The following BRWD3 variants were observed in gnomAD, a reference collection of about 807,000 sequenced individuals.
BRWD3 encodes bromodomain and WD repeat-containing protein 3.
BRWD3 carries 10 observed loss-of-function variants against 149.7 expected under a neutral mutation model. That is an observed-to-expected ratio of 0.07 (90% CI 0.04 to 0.11). BRWD3 has a LOEUF of 0.11. Among genes scored for constraint, BRWD3 ranks in the 10% least tolerant of loss-of-function variants. BRWD3 has a pLI of 1.00. For synonymous variants in BRWD3, 504 were observed against 456.7 expected, an observed-to-expected ratio of 1.10 and a Z score of -1.32; for missense variants, 940 against 1,373.2, an observed-to-expected ratio of 0.68 and a Z score of 4.99.
intron 6 of BRWD3, among the ~76,000 whole-genome samples, chrX:80,767,231 C>T (rs972117142): frequency 7.1e-5 from 8 of 112,204 alleles, no homozygotes; most frequent in Admixed American, 4.7e-4. Flanking sequence ...CACAAAGAAC[C>T]GACAAACTGC....
chrX:80,695,712 G>T (rs1048176549), intron 27 of BRWD3, among the ~76,000 whole-genome samples, 196 bp downstream of exon 27: 1 of 111,755 alleles, frequency 8.9e-6, no homozygotes, highest in African/African-American at 3.3e-5. Flanking sequence ...GGTATTTGCA[G>T]AAGGTTTAGA....
intron 6 of BRWD3, among the ~76,000 whole-genome samples, chrX:80,782,115 G>T (rs1407823103): frequency 1.8e-5 from 2 of 111,336 alleles, no homozygotes; most frequent in Non-Finnish European, 3.8e-5. Flanking sequence ...ACACTACAGG[G>T]CTATTGTATC....
intron 22 of BRWD3, among the ~76,000 whole-genome samples, chrX:80,705,657 T>C (rs2072853007): frequency 8.9e-6 from 1 of 112,068 alleles, no homozygotes; most frequent in Non-Finnish European, 1.9e-5. Context: ...TAGAACCTAA[T>C]GCTCCAAGGC....
At chrX:80,805,795 C>T (rs890175564) in intron 4 of BRWD3, among the ~76,000 whole-genome samples, 5 of 110,768 alleles carry the variant, frequency 4.5e-5, no homozygotes, top group African/African-American at 6.6e-5. Context: ...ATTAGCTGGG[C>T]GTGGTGGCGC....
chrX:80,761,463 T>C (rs2073801767), intron 6 of BRWD3, among the ~76,000 whole-genome samples: 1 of 112,127 alleles, frequency 8.9e-6, no homozygotes, highest in Admixed American at 9.5e-5. Flanking sequence ...AAGTCAAAAA[T>C]TGTTAAATAC....
chrX:80,779,962 T>C (rs1311231945), intron 6 of BRWD3, among the ~76,000 whole-genome samples: 1 of 112,068 alleles, frequency 8.9e-6, no homozygotes, highest in African/African-American at 3.2e-5. Flanking sequence ...GCTAGGGTAA[T>C]ATTAAGTGAA....
intron 4 of BRWD3, among the ~76,000 whole-genome samples, chrX:80,802,439 T>TC (rs2074308223): frequency 1.8e-5 from 1 of 57,041 alleles, no homozygotes; most frequent in Non-Finnish European, 2.9e-5. Flanking sequence ...AAGACTCTCA[T>TC]CTTAAAAAAA....
chrX:80,744,286 G>A, intron 7 of BRWD3, 33 bp from the exon 8 acceptor site: 2 of 1,018,471 alleles, frequency 2.0e-6, no homozygotes, highest in Non-Finnish European at 2.6e-6. Flanking sequence ...GGTTTATAAT[G>A]AAGCAGAAAT....
At chrX:80,787,418 G>A (rs759234406) in intron 6 of BRWD3, among the ~76,000 whole-genome samples, 1 of 111,095 alleles carries the variant, frequency 9.0e-6, no homozygotes, top group East Asian at 2.8e-4. Flanking sequence ...ACAATTTTTT[G>A]AAAATGAGAG....
At chrX:80,793,550 T>C (rs2074206112) in intron 5 of BRWD3, 72 bp downstream of exon 5, 2 of 1,028,356 alleles carry the variant, frequency 1.9e-6, no homozygotes, top group Non-Finnish European at 2.7e-6. Context: ...TGGGAACATT[T>C]ACTCAATCTA....
At chrX:80,708,467 T>G (rs2147724304) in intron 21 of BRWD3, among the ~76,000 whole-genome samples, 1 of 97,592 alleles carries the variant, frequency 1.0e-5, no homozygotes, top group African/African-American at 3.8e-5. Context: ...AGATCAAGAT[T>G]TCATATGGGT....
intron 23 of BRWD3, among the ~76,000 whole-genome samples, 179 bp from the exon 24 acceptor site, chrX:80,703,772 T>C (rs1022166658): frequency 2.7e-5 from 3 of 111,710 alleles, no homozygotes; most frequent in African/African-American, 9.7e-5. Context: ...TTTCTGCCAA[T>C]AAAAAATCAC....
At position 80,766,862 on chromosome X, in the gene BRWD3, G is replaced by A. The variant is rs186158505; in HGVS notation, c.431-21133C>T. ...AGGGGATTTCCCTTTCCTAGCCAACGGAAGCCTTGAGAGACAGCACCTGGA... is the reference window on the plus strand; with the variant it reads ...AGGGGATTTCCCTTTCCTAGCCAACAGAAGCCTTGAGAGACAGCACCTGGA... On this transcript the variant is annotated intron_variant, in intron 6 of 40. Transcript: ENST00000373275. 2.1e-4 allele frequency among the ~76,000 whole-genome samples: 24 copies of A among 112,156 alleles called. No homozygotes were observed. In the East Asian group the frequency reaches 6.2e-3, roughly 29 times the overall value.
intron 14 of BRWD3, among the ~76,000 whole-genome samples, chrX:80,727,175 C>A (rs182113162): frequency 1.8e-5 from 2 of 110,876 alleles, no homozygotes; most frequent in East Asian, 5.6e-4. Context: ...CCACACAAAT[C>A]TAAATTATCA....
rs758778029 is a variant in BRWD3, at chrX:80,721,257, A to T, written c.1876+1305T>A. 2.0e-3 allele frequency among the ~76,000 whole-genome samples: 223 copies of T among 112,104 alleles called. 2 individuals are homozygous for T. The highest frequency in any genetic ancestry group is 7.1e-3 in the African/African-American group (220 of 30,926). On this transcript the variant is annotated intron_variant, in intron 17 of 40. Transcript: ENST00000373275. Reference sequence around the variant, plus strand: ...TTTGACAGAGTAACCAAGTGATCAGATCTTACAAGAAATGTACAAGAAATA... The same window carrying T: ...TTTGACAGAGTAACCAAGTGATCAGTTCTTACAAGAAATGTACAAGAAATA...
intron 6 of BRWD3, among the ~76,000 whole-genome samples, chrX:80,752,037 C>T (rs968949159): frequency 6.1e-5 from 6 of 98,970 alleles, no homozygotes; most frequent in Non-Finnish European, 1.0e-4. Flanking sequence ...ATTTTAAACA[C>T]GATCTTGCTT....
chrX:80,755,745 GGAAT>G (rs1339194583), intron 6 of BRWD3, among the ~76,000 whole-genome samples: 1 of 111,486 alleles, frequency 9.0e-6, no homozygotes, highest in Non-Finnish European at 1.9e-5. Flanking sequence ...CAGTATCAAG[GGAAT>G]GGTTACGTAT....
chrX:80,708,596 A>G (rs2072905831), intron 21 of BRWD3, among the ~76,000 whole-genome samples: 1 of 111,458 alleles, frequency 9.0e-6, no homozygotes, highest in Non-Finnish European at 1.9e-5. Context: ...TGGGCAGATC[A>G]CCTGAGGTCA....
chrX:80,726,596 A>G (rs996158145), intron 14 of BRWD3, among the ~76,000 whole-genome samples: 24 of 110,355 alleles, frequency 2.2e-4, no homozygotes, highest in African/African-American at 7.9e-4. Context: ...ATACATCAGG[A>G]GCGTCTAAAA....
Sources: allele counts gnomAD v4.1 joint callset (sites outside exome capture counted in the v4.1 genomes callset), GRCh38; gene constraint gnomAD v4.1.1; transcripts MANE v1.5; gene names NCBI Gene and HGNC (gene_info 2026-07-23, HGNC 2026-07-21).